The following ADAMTS6 variants were observed in gnomAD, a reference collection of about 807,000 sequenced individuals.
ADAMTS6 encodes A disintegrin and metalloproteinase with thrombospondin motifs 6.
In ADAMTS6, 23 loss-of-function variants were observed where a neutral mutation model predicts 144.3. The observed-to-expected ratio is 0.16, with a 90% CI of 0.11 to 0.23. The LOEUF (loss-of-function observed/expected upper bound fraction) is 0.23, where lower values mean the gene tolerates loss of function less well. Ranked by LOEUF, ADAMTS6 falls within the 10% of genes least tolerant of loss-of-function variation. ADAMTS6 has a pLI of 1.00. For synonymous variants in ADAMTS6, 444 were observed against 457.5 expected, an observed-to-expected ratio of 0.97 and a Z score of 0.38; for missense variants, 999 against 1,379.6, an observed-to-expected ratio of 0.72 and a Z score of 4.37.
intron 9 of ADAMTS6, among the ~76,000 whole-genome samples, chr5:65,325,558 C>T (rs555962068): frequency 4.0e-5 from 6 of 151,042 alleles, no homozygotes; most frequent in South Asian, 4.2e-4. Flanking sequence ...GGCATGATCA[C>T]GATCATGGTT....
intron 7 of ADAMTS6, among the ~76,000 whole-genome samples, chr5:65,411,092 C>A (rs1755009275): frequency 6.6e-6 from 1 of 152,170 alleles, no homozygotes; most frequent in Admixed American, 6.5e-5. Flanking sequence ...CCCACCTCAG[C>A]CTCCCAAAGT....
At chr5:65,430,585 C>T (rs765795035) in intron 7 of ADAMTS6, among the ~76,000 whole-genome samples, 1 of 152,262 alleles carries the variant, frequency 6.6e-6, no homozygotes, top group Middle Eastern at 3.4e-3. Context: ...TATCCAATCA[C>T]CCTAATAGAA....
At position 65,179,685 on chromosome 5, in the gene ADAMTS6, GA is replaced by G. The variant is rs989157170; in HGVS notation, c.2911-6678del. Among the ~76,000 whole-genome samples the G allele has an allele frequency of 1.9e-3, 277 of 147,252 alleles. 1 individual carries two copies. Among genetic ancestry groups the G allele is most frequent in the African/African-American group, 6.4e-3 (258 of 40,172 alleles). On this transcript the variant is annotated intron_variant, in intron 22 of 24. Transcript: ENST00000381055. ...ATAAAAAGAATCCTGTCCACCTTCA[GA>G]AAAAAAAAATGAATGAAATAGTCTC...
intron 4 of ADAMTS6, among the ~76,000 whole-genome samples, chr5:65,455,528 C>T (rs62368972): frequency 0.08 from 12,152 of 151,170 alleles, 566 homozygotes; most frequent in Non-Finnish European, 0.11. Flanking sequence ...GGCAACAGGG[C>T]GAAACTCCAT....
At chr5:65,328,193 G>A (rs964487883) in intron 9 of ADAMTS6, among the ~76,000 whole-genome samples, 6 of 151,838 alleles carry the variant, frequency 4.0e-5, no homozygotes. Flanking sequence ...AAATTTGATT[G>A]CAATTTTGAA....
In ADAMTS6 at chr5:65,355,135, T is replaced by C. The variant is rs545189030; in HGVS notation, c.1074-21050A>G. On this transcript the variant is annotated intron_variant, in intron 7 of 24. Transcript: ENST00000381055. ...ACTCTTGTTGTTTGTTGGCCAAATC[T>C]AGTATATCTTCTAATTTCTTCCTCT... Among the ~76,000 whole-genome samples, 10 of 151,964 alleles carry C rather than the reference T, an allele frequency of 6.6e-5. 1 individual carries two copies. The South Asian group carries it at 2.1e-3, about 31-fold the overall frequency.
intron 3 of ADAMTS6, among the ~76,000 whole-genome samples, chr5:65,461,275 T>G (rs1259621671): frequency 6.6e-6 from 1 of 152,240 alleles, no homozygotes; most frequent in African/African-American, 2.4e-5. Context: ...TTGTTACATC[T>G]CAAGTCGTGA....
intron 7 of ADAMTS6, among the ~76,000 whole-genome samples, chr5:65,335,767 T>TA (rs1451104162): frequency 1.3e-5 from 2 of 152,068 alleles, no homozygotes; most frequent in African/African-American, 4.8e-5. Flanking sequence ...TAAAAATAGT[T>TA]AGAGTTACAT....
chr5:65,373,279 G>C (rs1751161189), intron 7 of ADAMTS6, among the ~76,000 whole-genome samples: 1 of 151,372 alleles, frequency 6.6e-6, no homozygotes, highest in Non-Finnish European at 1.5e-5. Flanking sequence ...GAAGGAAATA[G>C]AGACACAAAA....
At chr5:65,441,031 T>A (rs1163488926) in intron 7 of ADAMTS6, among the ~76,000 whole-genome samples, 2 of 151,998 alleles carry the variant, frequency 1.3e-5, no homozygotes, top group African/African-American at 4.8e-5. Flanking sequence ...CAGTACATAA[T>A]AAAGAAATTG....
intron 7 of ADAMTS6, among the ~76,000 whole-genome samples, chr5:65,430,294 T>C (rs549268499): frequency 6.6e-6 from 1 of 151,970 alleles, no homozygotes; most frequent in East Asian, 1.9e-4. Flanking sequence ...AGACAACTGC[T>C]CTCTCTCCCA....
rs151184937 is a variant in ADAMTS6 at position 65,221,249 on chromosome 5, A to G, written c.2272+3071T>C. Among the ~76,000 whole-genome samples the G allele has an allele frequency of 2.3e-3, 355 of 152,372 alleles. 1 individual carries two copies. Among genetic ancestry groups the G allele is most frequent in the Non-Finnish European group, 3.5e-3 (238 of 68,028 alleles). On this transcript the variant is annotated intron_variant, in intron 18 of 24. Transcript: ENST00000381055. ...CATAGGTCCAAATATTCTTAATAAA[A>G]TATTAGCAAATCAATTCCAGCAATA...
chr5:65,275,763 T>G (rs147574247), intron 11 of ADAMTS6, among the ~76,000 whole-genome samples: 199 of 152,036 alleles, frequency 1.3e-3, no homozygotes, highest in African/African-American at 4.7e-3. Flanking sequence ...AGTTTAATAT[T>G]TAAAAAGCAG....
intron 7 of ADAMTS6, among the ~76,000 whole-genome samples, chr5:65,402,125 T>G (rs1753968254): frequency 6.6e-6 from 1 of 152,108 alleles, no homozygotes; most frequent in Admixed American, 6.6e-5. Flanking sequence ...ATCTTCCAAG[T>G]TTACCACTTT....
intron 7 of ADAMTS6, among the ~76,000 whole-genome samples, chr5:65,432,668 TG>T: frequency 6.6e-6 from 1 of 152,274 alleles, no homozygotes; most frequent in African/African-American, 2.4e-5. Flanking sequence ...TTATTAGTTT[TG>T]TTGAGTTTGT....
At chr5:65,304,963 A>G (rs1200576875) in intron 9 of ADAMTS6, among the ~76,000 whole-genome samples, 2 of 152,062 alleles carry the variant, frequency 1.3e-5, no homozygotes, top group Non-Finnish European at 2.9e-5. Flanking sequence ...AATAAATGAA[A>G]TTGGAGTATG....
At chr5:65,321,271 G>A (rs1489185532) in intron 9 of ADAMTS6, among the ~76,000 whole-genome samples, 3 of 151,792 alleles carry the variant, frequency 2.0e-5, no homozygotes. Flanking sequence ...ATCTCACTGT[G>A]GTTTTGATTT....
intron 7 of ADAMTS6, among the ~76,000 whole-genome samples, chr5:65,363,157 C>A (rs1561464656): frequency 6.6e-6 from 1 of 152,090 alleles, no homozygotes; most frequent in Admixed American, 6.5e-5. Context: ...ACATACTAAT[C>A]CATGGATAAG....
chr5:65,379,720 G>A (rs373576005), intron 7 of ADAMTS6, among the ~76,000 whole-genome samples: 1 of 151,314 alleles, frequency 6.6e-6, no homozygotes, highest in Non-Finnish European at 1.5e-5. Context: ...TCATGTCCTC[G>A]ATACCTGGCA....
Sources: allele counts gnomAD v4.1 joint callset (sites outside exome capture counted in the v4.1 genomes callset), GRCh38; gene constraint gnomAD v4.1.1; transcripts MANE v1.5; gene names NCBI Gene and HGNC (gene_info 2026-07-23, HGNC 2026-07-21).